The following ATRX variants were observed in gnomAD, a reference collection of about 807,000 sequenced individuals.
ATRX encodes the protein ATRX chromatin remodeler.
ATRX carries 12 observed loss-of-function variants against 172.6 expected under a neutral mutation model. The ratio of observed to expected loss-of-function variants is 0.07; its 90% confidence interval spans 0.04 to 0.11. ATRX has a LOEUF of 0.11. ATRX is among the 10% of genes least tolerant of loss of function. ATRX has a pLI of 1.00. For missense variants in ATRX, 1,368 were observed against 1,767.4 expected, an observed-to-expected ratio of 0.77 and a Z score of 4.05; for synonymous variants, 674 against 594.7, an observed-to-expected ratio of 1.13 and a Z score of -1.94.
In ATRX at chrX:77,692,325, C is replaced by T. The variant is rs782375228; in HGVS notation, c.484+1499G>A. On this transcript the variant is annotated intron_variant, in intron 6 of 34. Coordinates refer to ENST00000373344, the MANE Select transcript of ATRX (RefSeq NM_000489.6). The stretch of plus-strand genomic sequence containing the variant: ...ACCTTAGCTTTAATGAGCTCTGTTG[C>T]TGCAATGGCAGTTTCCCTACCATGA... Among the ~76,000 whole-genome samples, 10 of 111,720 alleles carry T rather than the reference C, an allele frequency of 9.0e-5. No homozygotes were observed. The South Asian group carries it at 1.1e-3, about 13-fold the overall frequency.
intron 1 of ATRX, among the ~76,000 whole-genome samples, chrX:77,756,016 G>A (rs1557190014): frequency 8.9e-6 from 1 of 112,186 alleles, no homozygotes; most frequent in African/African-American, 3.2e-5. Flanking sequence ...CCCTGACTGG[G>A]GCTGCTGCCT....
At position 77,522,084 on chromosome X, in the gene ATRX, CCA is replaced by C. The variant is rs782792612; in HGVS notation, c.6975+177_6975+178del. ...CTGATTCCTTTGTGCTCTGAACAAA[CCA>C]CATTTTACAACATCATGTTGGTTCA... is the stretch of plus-strand genomic sequence containing the variant. On this transcript the variant is annotated intron_variant, in intron 32 of 34. Coordinates refer to ENST00000373344, the MANE Select transcript of ATRX (RefSeq NM_000489.6). The C allele has an allele frequency of 1.2e-4, 64 of 553,310 alleles. No individual in the cohort carries two copies. The African/African-American group carries it at 1.4e-3, about 12-fold the overall frequency. The allele number at this position is 553,310 out of a possible 1,213,427, so 45.6% of individuals were successfully genotyped here. A position where few individuals can be genotyped will look rare whatever the true frequency, so the allele number is the denominator to read the frequency against.
chrX:77,550,622 C>T (rs1252018314), intron 30 of ATRX, among the ~76,000 whole-genome samples: 2 of 111,097 alleles, frequency 1.8e-5, no homozygotes, highest in Non-Finnish European at 3.8e-5. Flanking sequence ...CCAGGGCAAT[C>T]AGGCAGGAGA....
intron 2 of ATRX, among the ~76,000 whole-genome samples, chrX:77,714,092 G>A (rs2073246755): frequency 9.0e-6 from 1 of 111,693 alleles, no homozygotes; most frequent in Non-Finnish European, 1.9e-5. Flanking sequence ...ATGTGCTGTT[G>A]CTGGATTTGA....
intron 25 of ATRX, chrX:77,596,955 G>A (rs2066487952): frequency 9.0e-6 from 1 of 110,693 alleles, no homozygotes; most frequent in African/African-American, 3.3e-5. Context: ...TTCAACAAGA[G>A]TATTTTAAGA....
At chrX:77,647,882 T>C (rs2068996172) in intron 15 of ATRX, among the ~76,000 whole-genome samples, 1 of 111,113 alleles carries the variant, frequency 9.0e-6, no homozygotes, top group East Asian at 2.8e-4. Context: ...ATGAAAAAAA[T>C]CTAGGAAGTA....
chrX:77,658,773 T>C (rs2069694931), intron 12 of ATRX, among the ~76,000 whole-genome samples: 1 of 111,599 alleles, frequency 9.0e-6, no homozygotes, highest in Admixed American at 9.5e-5. Flanking sequence ...CCCGGCTTAG[T>C]TGATAGTATT....
At chrX:77,628,954 C>T (rs782008147) in intron 19 of ATRX, among the ~76,000 whole-genome samples, 4 of 112,019 alleles carry the variant, frequency 3.6e-5, no homozygotes, top group African/African-American at 1.3e-4. Flanking sequence ...AATTGTTACG[C>T]AGGAAGAGAT....
chrX:77,550,596 G>A (rs2064450903), intron 30 of ATRX, among the ~76,000 whole-genome samples: 1 of 111,420 alleles, frequency 9.0e-6, no homozygotes, highest in South Asian at 3.8e-4. Flanking sequence ...ATTCAACATA[G>A]TGTTGGAAGT....
intron 30 of ATRX, among the ~76,000 whole-genome samples, chrX:77,540,637 A>C (rs1007813309): frequency 8.0e-5 from 9 of 112,299 alleles, no homozygotes; most frequent in Non-Finnish European, 1.3e-4. Flanking sequence ...CAGCGCAATC[A>C]AATCAGAACT....
intron 15 of ATRX, among the ~76,000 whole-genome samples, chrX:77,638,414 G>A (rs1249397376): frequency 5.3e-5 from 6 of 112,723 alleles, no homozygotes; most frequent in South Asian, 3.6e-4. Flanking sequence ...TGGAGGTTGC[G>A]GAGAGCCGTG....
At chrX:77,761,649 CTG>C (rs1413228406) in intron 1 of ATRX, among the ~76,000 whole-genome samples, 2 of 111,519 alleles carry the variant, frequency 1.8e-5, no homozygotes, top group Non-Finnish European at 3.8e-5. Flanking sequence ...TTATCTTTTT[CTG>C]TGTGTGCTGA....
intron 28 of ATRX, among the ~76,000 whole-genome samples, chrX:77,569,246 T>C (rs1003318697): frequency 9.8e-5 from 11 of 111,751 alleles, no homozygotes; most frequent in Non-Finnish European, 1.7e-4. Flanking sequence ...TCACCATTGC[T>C]ACTAACTATA....
chrX:77,748,584 T>G (rs2075175749), intron 1 of ATRX, among the ~76,000 whole-genome samples: 1 of 111,619 alleles, frequency 9.0e-6, no homozygotes, highest in African/African-American at 3.3e-5. Flanking sequence ...TTTTTTATTT[T>G]TATTTTTATT....
rs782153164 is a variant in ATRX at position 77,650,522 on chromosome X, A to G, written c.4557+1592T>C. ...AGAAACTAGGTTAAAATTAGGTAAG[A>G]GATGTAACATCCAAATACAACAGAA... is the stretch of plus-strand genomic sequence containing the variant. On this transcript the variant is annotated intron_variant, in intron 15 of 34. Transcript: ENST00000373344. Among the ~76,000 whole-genome samples the G allele has an allele frequency of 5.3e-5, 6 of 112,262 alleles. No individual in the cohort carries two copies. The South Asian group carries it at 2.2e-3, about 41-fold the overall frequency.
rs946326228 is a variant in ATRX at position 77,633,506 on chromosome X, G to C, written c.4956+60C>G. 30 of 1,128,371 alleles carry C rather than the reference G, an allele frequency of 2.7e-5. No individual in the cohort carries two copies. The African/African-American group carries it at 5.0e-4, about 19-fold the overall frequency. The allele number at this position is 1,128,371 out of a possible 1,213,427, so 93.0% of individuals were successfully genotyped here. ...TAAAAATTAAAAAAAATTAAAAATAGTTTACTATATGAATTTCATGTGACT... is the reference window on the plus strand; with the variant it reads ...TAAAAATTAAAAAAAATTAAAAATACTTTACTATATGAATTTCATGTGACT... On this transcript the variant is annotated intron_variant, in intron 18 of 34. Coordinates refer to ENST00000373344, the MANE Select transcript of ATRX (RefSeq NM_000489.6).
At chrX:77,731,846 A>G (rs1557176277) in intron 1 of ATRX, among the ~76,000 whole-genome samples, 1 of 110,945 alleles carries the variant, frequency 9.0e-6, no homozygotes, top group African/African-American at 3.3e-5. Context: ...CCACTGCTCA[A>G]TAAAATTCTT....
At chrX:77,777,295 C>T (rs1253652349) in intron 1 of ATRX, among the ~76,000 whole-genome samples, 3 of 106,657 alleles carry the variant, frequency 2.8e-5, no homozygotes, top group African/African-American at 6.9e-5. Context: ...GCATGAGAAT[C>T]GCTTGAACCC....
chrX:77,662,729 G>A (rs1446083531), intron 12 of ATRX, among the ~76,000 whole-genome samples: 1 of 110,181 alleles, frequency 9.1e-6, no homozygotes, highest in Non-Finnish European at 1.9e-5. Context: ...GTCTCGCTCT[G>A]CCGCTCAAGT....
Sources: allele counts gnomAD v4.1 joint callset (sites outside exome capture counted in the v4.1 genomes callset), GRCh38; gene constraint gnomAD v4.1.1; transcripts MANE v1.5; gene names NCBI Gene and HGNC (gene_info 2026-07-23, HGNC 2026-07-21).